SRMS: variants seen among roughly 807,000 people sequenced by gnomAD.
The protein encoded by SRMS is tyrosine-protein kinase Srms.
SRMS carries 42 observed loss-of-function variants against 43.5 expected under a neutral mutation model. That is an observed-to-expected ratio of 0.97 (90% CI 0.75 to 1.25). The LOEUF is 1.25. Among genes scored for constraint, SRMS ranks in the 50% most tolerant of loss-of-function variants. The pLI is 0.00. For missense variants in SRMS, 703 were observed against 681.0 expected (o/e 1.03, Z -0.36); for synonymous variants, 316 against 308.2 (o/e 1.03, Z -0.27).
chr20:63,540,947 C>T lies in SRMS; in HGVS notation c.1338G>A (p.Pro446=), dbSNP rs764818396. ...LQQIMRGYRL[P]RPAACPAEVY... Reference sequence around the variant, plus strand: ...CCTCCGCCGGGCAGGCAGCCGGGCGCGGCAGCCGGTACCCTCGCATGATCT... The same window carrying T: ...CCTCCGCCGGGCAGGCAGCCGGGCGTGGCAGCCGGTACCCTCGCATGATCT... Residue 446 remains proline, a synonymous_variant, in exon 8 of 8, where the codon CCG becomes CCA. Transcript: ENST00000217188. 23 of 1,606,972 alleles carry T rather than the reference C, an allele frequency of 1.4e-5. No homozygotes were observed. Among genetic ancestry groups the T allele is most frequent in the Admixed American group, 1.7e-5 (1 of 59,876 alleles).
At position 63,542,228 on chromosome 20, in the gene SRMS, C is replaced by G. The variant is rs148899880; in HGVS notation, c.881G>C (p.Gly294Ala). 1.2e-6 allele frequency: 2 copies of G among 1,612,606 alleles called. No homozygotes were observed. The highest frequency in any genetic ancestry group is 2.2e-5 in the South Asian group (2 of 91,086). Reference sequence around the variant, plus strand: ...CGTGACGATGTACACAGGCTCCCCGCCCGAGCACACTGCGTGCAGCCGGAT... The same window carrying G: ...CGTGACGATGTACACAGGCTCCCCGGCCGAGCACACTGCGTGCAGCCGGAT... ...RLIRLHAVCS[G>A]GEPVYIVTEL... Residue 294 changes from glycine (G) to alanine (A), a missense_variant, in exon 5 of 8, where the codon GGC (glycine) becomes GCC (alanine). Physicochemically the swap from Gly to Ala is moderately conservative, Grantham distance 60. Transcript: ENST00000217188.
chr20:63,546,302 C>G (rs2082730213), intron 1 of SRMS, among the ~76,000 whole-genome samples: 1 of 138,502 alleles, frequency 7.2e-6, no homozygotes, highest in South Asian at 2.4e-4. Context: ...ATGCAACCCC[C>G]AGGACGATGT....
At chr20:63,545,909 C>G (rs1440557263) in intron 1 of SRMS, among the ~76,000 whole-genome samples, 2 of 152,254 alleles carry the variant, frequency 1.3e-5, no homozygotes, top group East Asian at 3.9e-4. Context: ...CCAGCCTCCT[C>G]TGAAGCCCAC....
rs1256067045 is a variant in SRMS, at chr20:63,540,525, G to A, written c.*293C>T. Among the ~76,000 whole-genome samples the A allele has an allele frequency of 2.6e-5, 4 of 152,128 alleles. No homozygotes were observed. The highest frequency in any genetic ancestry group is 4.8e-5 in the African/African-American group (2 of 41,432). On this transcript the variant is annotated 3_prime_UTR_variant, in exon 8 of 8. Coordinates refer to ENST00000217188, the MANE Select transcript of SRMS (RefSeq NM_080823.4). ...GTCAGCCCCAGCCCTCCGTCTGCAC[G>A]AGTCACACTGCACGGGGAACGTCAG...
At chr20:63,545,996 G>A (rs1176158569) in intron 1 of SRMS, among the ~76,000 whole-genome samples, 2 of 152,138 alleles carry the variant, frequency 1.3e-5, no homozygotes, top group Non-Finnish European at 2.9e-5. Flanking sequence ...CTCTCCCTGG[G>A]GCGTGGGGCC....
At chr20:63,543,792 G>A in intron 2 of SRMS, 5 of 380,378 alleles carry the variant, frequency 1.3e-5, no homozygotes, top group Non-Finnish European at 2.4e-5. Context: ...AGAAGGAAAA[G>A]TGAATGAATG....
In SRMS at chr20:63,541,510, C is replaced by T. The variant is rs61740255; in HGVS notation, c.1057G>A (p.Ala353Thr). 310 of 1,606,488 alleles carry T rather than the reference C, an allele frequency of 1.9e-4. No individual in the cohort carries two copies. Among genetic ancestry groups the T allele is most frequent in the Non-Finnish European group, 2.4e-4 (282 of 1,178,126 alleles). ...EQRVVHRDLA[A>T]RNVLVDDGLA... is the part of the protein sequence containing the mutation. ...CCGTCGTCCACGAGCACGTTCCGGG[C>T]GGCCAAGTCCCGGTGCACAACGCGC... Residue 353 changes from alanine to threonine, a missense_variant, in exon 6 of 8, where the codon GCC (alanine) becomes ACC (threonine). Transcript: ENST00000217188.
chr20:63,540,319 T>C lies in SRMS; in HGVS notation c.*499A>G, dbSNP rs2082696000. Among the ~76,000 whole-genome samples the C allele has an allele frequency of 1.3e-5, 2 of 152,148 alleles. No homozygotes were observed. Among genetic ancestry groups the C allele is most frequent in the South Asian group, 4.1e-4 (2 of 4,828 alleles). On this transcript the variant is annotated 3_prime_UTR_variant, in exon 8 of 8. Coordinates refer to ENST00000217188, the MANE Select transcript of SRMS (RefSeq NM_080823.4). ...ACTGGTCATTTCCACAAACCCAAGC[T>C]GGGACTAGGGAGAGAACTGGGCCTT... is the stretch of plus-strand genomic sequence containing the variant.
At chr20:63,542,407 G>C (rs767478010) in intron 4 of SRMS, 33 bp downstream of exon 4, 1 of 1,601,172 alleles carries the variant, frequency 6.2e-7, no homozygotes, top group Non-Finnish European at 8.5e-7. Flanking sequence ...CAGGTGCGGG[G>C]CCCGGCCGTG....
At position 63,547,668 on chromosome 20, in the gene SRMS, T is replaced by A. The variant is rs1255624848; in HGVS notation, c.-205A>T. The stretch of plus-strand genomic sequence containing the variant: ...CCGGCGTCCGGGCTGGCGTTGGGGC[T>A]GGGTGGGGCGCAGGGCGGACCCCCT... On this transcript the variant is annotated 5_prime_UTR_variant, in exon 1 of 8. Transcript: ENST00000217188. 6.6e-6 allele frequency among the ~76,000 whole-genome samples: 1 copy of A among 152,144 alleles called. No individual in the cohort carries two copies. The highest frequency in any genetic ancestry group is 1.5e-5 in the Non-Finnish European group (1 of 67,994).
chr20:63,541,950 C>T (rs2082706432), intron 5 of SRMS, among the ~76,000 whole-genome samples: 1 of 152,228 alleles, frequency 6.6e-6, no homozygotes, highest in African/African-American at 2.4e-5. Flanking sequence ...CAGCTCCAGC[C>T]CCGGAGCCAC....
chr20:63,545,476 A>T (rs1730463404), intron 1 of SRMS, among the ~76,000 whole-genome samples: 1 of 152,146 alleles, frequency 6.6e-6, no homozygotes, highest in African/African-American at 2.4e-5. Context: ...GGACTAGGAG[A>T]GGACCCGAGG....
rs763767460 is a variant in SRMS at position 63,543,476 on chromosome 20, C to A, written c.483G>T (p.Arg161=). The A allele has an allele frequency of 2.5e-6, 4 of 1,612,660 alleles. No homozygotes were observed. The highest frequency in any genetic ancestry group is 2.5e-6 in the Non-Finnish European group (3 of 1,179,872). The change falls in exon 3 of 8, where the codon CGG becomes CGT. Residue 161 remains arginine, a synonymous_variant. Coordinates refer to ENST00000217188, the MANE Select transcript of SRMS (RefSeq NM_080823.4). Reference sequence around the variant, plus strand: ...GGTAGTGGCAGACCTTGGCCTGGGCCCGGACTAGGAAGGGTTCAGAGATGG... The same window carrying A: ...GGTAGTGGCAGACCTTGGCCTGGGCACGGACTAGGAAGGGTTCAGAGATGG... ...SSLGGYSLSV[R]AQAKVCHYRV... is the part of the protein sequence containing the mutation.
rs1358023762 is a variant in SRMS, at chr20:63,544,283, G to T, written c.422C>A (p.Pro141Gln). 2 of 1,483,074 alleles carry T rather than the reference G, an allele frequency of 1.3e-6. No individual in the cohort carries two copies. The highest frequency in any genetic ancestry group is 1.3e-5 in the South Asian group (1 of 76,274). 91.9% of individuals were successfully genotyped at this position (1,483,074 alleles called of 1,614,324 possible). The part of the protein sequence containing the change: ...QQLLLSPPNE[P>Q]GAFLIRPSES... ...GCTGGGCCGGATGAGGAAGGCCCCTGGTTCGTTGGGTGGGGAGAGGAGCAG... is the reference window on the plus strand; with the variant it reads ...GCTGGGCCGGATGAGGAAGGCCCCTTGTTCGTTGGGTGGGGAGAGGAGCAG... The change falls in exon 2 of 8, where the codon CCA becomes CAA. Residue 141 changes from proline to glutamine, a missense_variant. Transcript: ENST00000217188.
At position 63,547,193 on chromosome 20, in the gene SRMS, G is replaced by C. The variant is rs772033503; in HGVS notation, c.271C>G (p.Arg91Gly). 1 of 1,612,214 alleles carries C rather than the reference G, an allele frequency of 6.2e-7. No individual in the cohort carries two copies. The highest frequency in any genetic ancestry group is 1.1e-5 in the South Asian group (1 of 90,998). ...LEEGGGYIFA[R>G]RLSGQPSAGL... The stretch of plus-strand genomic sequence containing the variant: ...GCGCTGGGCTGGCCCGAAAGCCTGC[G>C]TGCGAAGATGTAGCCGCCCCCCTCT... Residue 91 changes from arginine (R) to glycine (G), a missense_variant, in exon 1 of 8, where the codon CGC (arginine) becomes GGC (glycine). Arg to Gly is a moderately radical substitution (Grantham distance 125). Transcript: ENST00000217188.
At chr20:63,545,482 C>T (rs930399078) in intron 1 of SRMS, among the ~76,000 whole-genome samples, 8 of 152,136 alleles carry the variant, frequency 5.3e-5, no homozygotes, top group African/African-American at 1.9e-4. Flanking sequence ...GGAGAGGACC[C>T]GAGGTGGGCC....
Position 63,540,950 on chromosome 20 carries a change from C to T in SRMS, c.1335G>A (p.Leu445=). 1.2e-6 allele frequency: 2 copies of T among 1,607,836 alleles called. No individual in the cohort carries two copies. The highest frequency in any genetic ancestry group is 1.3e-5 in the African/African-American group (1 of 75,012). Residue 445 remains leucine (L), a synonymous_variant, in exon 8 of 8, where the codon CTG becomes CTA. Coordinates refer to ENST00000217188, the MANE Select transcript of SRMS (RefSeq NM_080823.4). ...TLQQIMRGYR[L]PRPAACPAEV... ...CCGCCGGGCAGGCAGCCGGGCGCGG[C>T]AGCCGGTACCCTCGCATGATCTGCT... is the stretch of plus-strand genomic sequence containing the variant.
intron 3 of SRMS, among the ~76,000 whole-genome samples, chr20:63,543,052 C>T (rs2082712914): frequency 6.6e-6 from 1 of 152,208 alleles, no homozygotes; most frequent in Non-Finnish European, 1.5e-5. Context: ...TGCTCCCCTG[C>T]AGAGCTGGGC....
intron 1 of SRMS, among the ~76,000 whole-genome samples, chr20:63,546,595 C>T (rs1456980157): frequency 2.0e-5 from 3 of 151,468 alleles, no homozygotes; most frequent in African/African-American, 7.3e-5. Context: ...GCCCCCAGCC[C>T]CTGCTCACCT....
Sources: gnomAD v4.1 joint callset for allele counts (sites outside exome capture counted in the v4.1 genomes callset) on GRCh38, gnomAD v4.1.1 for gene constraint, MANE v1.5 for transcripts, NCBI Gene and HGNC (gene_info 2026-07-23, HGNC 2026-07-21) for gene names.